KIF13B: variants seen among roughly 807,000 people sequenced by gnomAD.
The protein encoded by KIF13B is kinesin-like protein KIF13B.
In KIF13B, 127 loss-of-function variants were observed where a neutral mutation model predicts 222.0. The ratio of observed to expected loss-of-function variants is 0.57; its 90% CI spans 0.50 to 0.66. The LOEUF (loss-of-function observed/expected upper bound fraction) is 0.66, where lower values mean the gene tolerates loss of function less well. KIF13B is among the 30% of genes least tolerant of loss of function. The pLI, the probability that KIF13B is intolerant of heterozygous loss-of-function variation, is 0.00. For synonymous variants in KIF13B, 976 were observed against 919.0 expected, an observed-to-expected ratio of 1.06 and a Z score of -1.12; for missense variants, 2,173 against 2,379.0, an observed-to-expected ratio of 0.91 and a Z score of 1.80.
At chr8:29,075,205 T>C in intron 38 of KIF13B, 76 bp downstream of exon 38, 4 of 1,128,912 alleles carry the variant, frequency 3.5e-6, no homozygotes, top group South Asian at 2.6e-5. Context: ...ACTGTGGGTG[T>C]GGACTCAACA....
chr8:29,085,511 T>C (rs923628006), intron 37 of KIF13B, among the ~76,000 whole-genome samples: 28 of 151,916 alleles, frequency 1.8e-4, no homozygotes, highest in African/African-American at 5.8e-4. Flanking sequence ...TTGAGACAGG[T>C]GTGTGTCACC....
At chr8:29,236,922 CTTTT>C (rs11383292) in intron 2 of KIF13B, among the ~76,000 whole-genome samples, 8 of 151,560 alleles carry the variant, frequency 5.3e-5, no homozygotes, top group African/African-American at 1.5e-4. Context: ...TTTTGTTTTG[CTTTT>C]TTTTACTAGT....
intron 16 of KIF13B, among the ~76,000 whole-genome samples, chr8:29,148,293 T>TATG (rs765740394): frequency 3.9e-5 from 6 of 152,158 alleles, no homozygotes; most frequent in Non-Finnish European, 5.9e-5. Context: ...TTTTGATAAA[T>TATG]ATAAATTAAA....
rs71222598 is a variant in KIF13B, at chr8:29,197,336, C to CAAAAAAAA, written c.150-1145_150-1138dup. Among the ~76,000 whole-genome samples, 79 of 57,764 alleles carry CAAAAAAAA rather than the reference C, an allele frequency of 1.4e-3. 2 individuals carry two copies. The highest frequency in any genetic ancestry group is 5.5e-3 in the African/African-American group (76 of 13,870). The allele number at this position is 57,764 out of a possible 152,430, so 37.9% of individuals were successfully genotyped here. A position where few individuals can be genotyped will look rare whatever the true frequency, so the allele number is the denominator to read the frequency against. On this transcript the variant is annotated intron_variant, in intron 2 of 39. Coordinates refer to ENST00000524189, the MANE Select transcript of KIF13B (RefSeq NM_015254.4). ...TGGGCGACAGAGCGAGACTCCGTCT[C>CAAAAAAAA]AAAAAAAAAAAAAAAAAAAAAAAAA... is the stretch of plus-strand genomic sequence containing the variant.
Position 29,117,785 on chromosome 8 carries a change from C to T in KIF13B, c.3661-778G>A, listed in dbSNP as rs1203131330. 2.0e-5 allele frequency among the ~76,000 whole-genome samples: 3 copies of T among 152,304 alleles called. No individual in the cohort carries two copies. In the East Asian group the frequency reaches 5.8e-4, roughly 29 times the overall value. ...CATACTCAAAATTAGAAAATAAACT[C>T]CCGTGAGATACCCATCACTCAGATT... On this transcript the variant is annotated intron_variant, in intron 30 of 39. Transcript: ENST00000524189.
At chr8:29,086,827 TA>T (rs986174058) in intron 37 of KIF13B, among the ~76,000 whole-genome samples, 6 of 152,352 alleles carry the variant, frequency 3.9e-5, no homozygotes, top group Admixed American at 1.3e-4. Flanking sequence ...TGATGTTATC[TA>T]AACATTTAAA....
rs1238451502 is a variant in KIF13B, at chr8:29,108,190, C to A, written c.4164G>T (p.Leu1388Phe). The change falls in exon 35 of 40, where the codon TTG becomes TTT. Residue 1388 changes from leucine to phenylalanine, a missense_variant and splice_region_variant. By Grantham distance (22) the Leu-to-Phe change is conservative (BLOSUM62 0). Around this residue, in one of 2 missense-constraint regions of KIF13B, gnomAD observed 693 missense variants for 656.2 expected, o/e 1.06. Transcript: ENST00000524189. Reference sequence around the variant, plus strand: ...GAATGAGATCTTGTCGGCTTCCAGACAACTGAAGAAGAAAGAAAGGGGGGT... The same window carrying A: ...GAATGAGATCTTGTCGGCTTCCAGAAAACTGAAGAAGAAAGAAAGGGGGGT... Reference protein sequence around the residue: ...RSISSPNVNRLSGSRQDLIPS... With the variant: ...RSISSPNVNRFSGSRQDLIPS... 2.5e-6 allele frequency: 4 copies of A among 1,611,976 alleles called. No individual in the cohort carries two copies. The highest frequency in any genetic ancestry group is 3.4e-6 in the Non-Finnish European group (4 of 1,179,068).
At chr8:29,202,660 G>A (rs1813747219) in intron 2 of KIF13B, among the ~76,000 whole-genome samples, 2 of 152,194 alleles carry the variant, frequency 1.3e-5, no homozygotes, top group Non-Finnish European at 1.5e-5. Flanking sequence ...AGTTCCCCTA[G>A]CAGTGGAATG....
chr8:29,090,813 G>A (rs1233726449), intron 37 of KIF13B, among the ~76,000 whole-genome samples: 3 of 152,190 alleles, frequency 2.0e-5, no homozygotes, highest in African/African-American at 4.8e-5. Context: ...GCGTTCAAGC[G>A]ATTCTCATGC....
At chr8:29,149,986 A>G (rs1811227112) in intron 15 of KIF13B, among the ~76,000 whole-genome samples, 1 of 152,248 alleles carries the variant, frequency 6.6e-6, no homozygotes, top group African/African-American at 2.4e-5. Flanking sequence ...AAAGATAAAC[A>G]TGTCAGAAAA....
chr8:29,176,198 CAAAAT>C lies in KIF13B; in HGVS notation c.834-24_834-20del. The C allele has an allele frequency of 1.4e-6, 2 of 1,393,022 alleles. No individual in the cohort carries two copies. Among genetic ancestry groups the C allele is most frequent in the Non-Finnish European group, 2.0e-6 (2 of 990,532 alleles). The allele number at this position is 1,393,022 out of a possible 1,614,324, so 86.3% of individuals were successfully genotyped here. ...GAGGGACCTGCATGGTGCAACAAAC[CAAAAT>C]AATTACAAAAATGAAATATATCAAA... is the stretch of plus-strand genomic sequence containing the variant. On this transcript the variant is annotated intron_variant, in intron 9 of 39. Coordinates refer to ENST00000524189, the MANE Select transcript of KIF13B (RefSeq NM_015254.4).
At chr8:29,128,381 G>A (rs1257570663) in intron 24 of KIF13B, among the ~76,000 whole-genome samples, 4 of 152,114 alleles carry the variant, frequency 2.6e-5, no homozygotes. Flanking sequence ...TCAGATTTTA[G>A]TTCCCAAGAG....
chr8:29,138,325 ACT>A (rs1392305407), intron 21 of KIF13B, among the ~76,000 whole-genome samples: 4 of 152,126 alleles, frequency 2.6e-5, no homozygotes, highest in African/African-American at 7.2e-5. Flanking sequence ...ACAGAGCCAG[ACT>A]CTGTCTCAAA....
chr8:29,105,817 C>T (rs983348364), intron 35 of KIF13B, among the ~76,000 whole-genome samples: 1 of 151,742 alleles, frequency 6.6e-6, no homozygotes, highest in African/African-American at 2.4e-5. Flanking sequence ...TGGCACCACA[C>T]CCAGCTAATT....
At chr8:29,119,708 A>T (rs1323224946) in intron 29 of KIF13B, among the ~76,000 whole-genome samples, 1 of 152,090 alleles carries the variant, frequency 6.6e-6, no homozygotes, top group Non-Finnish European at 1.5e-5. Context: ...GGCCAGAATC[A>T]CCCTCAGGCG....
intron 16 of KIF13B, 76 bp from the exon 17 acceptor site, chr8:29,147,678 A>G (rs527272781): frequency 1.3e-5 from 14 of 1,111,788 alleles, no homozygotes; most frequent in Non-Finnish European, 1.7e-5. Context: ...CTATATGGTA[A>G]TGTTGTCTGT....
chr8:29,156,953 T>G (rs1220546242), intron 13 of KIF13B, among the ~76,000 whole-genome samples: 1 of 152,126 alleles, frequency 6.6e-6, no homozygotes, highest in Non-Finnish European at 1.5e-5. Flanking sequence ...GTCTATTTCC[T>G]TCTCCAATAA....
At position 29,109,792 on chromosome 8, in the gene KIF13B, T is replaced by G; in HGVS notation, c.4083+126A>C. 3.2e-6 allele frequency: 3 copies of G among 937,356 alleles called. No homozygotes were observed. In the South Asian group the frequency reaches 5.2e-5, roughly 16 times the overall value. The allele number at this position is 937,356 out of a possible 1,614,324, so 58.1% of individuals were successfully genotyped here. A position where few individuals can be genotyped will look rare whatever the true frequency, so the allele number is the denominator to read the frequency against. Reference sequence around the variant, plus strand: ...ACCCAATTACAATCACTCTGGATTATTCAAAGTTCATTAGAGTGAACTCTT... The same window carrying G: ...ACCCAATTACAATCACTCTGGATTAGTCAAAGTTCATTAGAGTGAACTCTT... On this transcript the variant is annotated intron_variant, in intron 33 of 39. Coordinates refer to ENST00000524189, the MANE Select transcript of KIF13B (RefSeq NM_015254.4).
At chr8:29,118,547 T>C (rs572539107) in intron 30 of KIF13B, among the ~76,000 whole-genome samples, 49 of 152,122 alleles carry the variant, frequency 3.2e-4, no homozygotes, top group African/African-American at 1.1e-3. Flanking sequence ...CCTGGTGCCA[T>C]TTTACCTCCA....
Sources: allele counts gnomAD v4.1 joint callset (sites outside exome capture counted in the v4.1 genomes callset), GRCh38; gene constraint gnomAD v4.1.1; regional missense constraint gnomAD v4.1.1; transcripts MANE v1.5; gene names NCBI Gene and HGNC (gene_info 2026-07-23, HGNC 2026-07-21).